Variants in CTNND2 observed in about 807,000 individuals in gnomAD.
The protein encoded by CTNND2 is catenin delta-2.
CTNND2 carries 22 observed loss-of-function variants against 144.4 expected under a neutral mutation model. The ratio of observed to expected loss-of-function variants is 0.15; its 90% CI spans 0.11 to 0.22. The LOEUF (loss-of-function observed/expected upper bound fraction) is 0.22. Among genes scored for constraint, CTNND2 ranks in the 10% least tolerant of loss-of-function variants. The pLI is 1.00. For missense variants in CTNND2, 1,353 were observed against 1,618.8 expected (o/e 0.84, Z 2.82); for synonymous variants, 751 against 695.6 (o/e 1.08, Z -1.25).
At chr5:11,481,511 G>A (rs958692308) in intron 3 of CTNND2, among the ~76,000 whole-genome samples, 1 of 152,206 alleles carries the variant, frequency 6.6e-6, no homozygotes, top group African/African-American at 2.4e-5. Context: ...GCTGAGATGG[G>A]AGGATCACTT....
intron 9 of CTNND2, among the ~76,000 whole-genome samples, chr5:11,311,850 T>A (rs1750926911): frequency 2.3e-5 from 2 of 86,418 alleles, no homozygotes; most frequent in African/African-American, 4.5e-5. Context: ...CCATACACCC[T>A]CACCCCACAC....
chr5:11,454,304 C>T (rs1338493181), intron 3 of CTNND2, among the ~76,000 whole-genome samples: 2 of 152,028 alleles, frequency 1.3e-5, no homozygotes, highest in Non-Finnish European at 2.9e-5. Context: ...CCTGTAGTCC[C>T]AGCTACTAGG....
chr5:11,307,608 G>A (rs1750380144), intron 9 of CTNND2, among the ~76,000 whole-genome samples: 1 of 152,020 alleles, frequency 6.6e-6, no homozygotes, highest in Admixed American at 6.6e-5. Context: ...CATTTTAACT[G>A]GGGCTCATGA....
intron 16 of CTNND2, among the ~76,000 whole-genome samples, chr5:11,066,401 C>T (rs1171166707): frequency 4.6e-5 from 7 of 152,194 alleles, no homozygotes; most frequent in Admixed American, 2.0e-4. Context: ...TTTAGACAAG[C>T]TCAATCAATT....
chr5:11,409,118 AT>A (rs1181580578), intron 5 of CTNND2, among the ~76,000 whole-genome samples: 1 of 152,032 alleles, frequency 6.6e-6, no homozygotes, highest in Non-Finnish European at 1.5e-5. Flanking sequence ...TTACTAAAAA[AT>A]GTTCCTGTTT....
chr5:11,875,499 C>T (rs922026287), intron 1 of CTNND2, among the ~76,000 whole-genome samples: 3 of 152,186 alleles, frequency 2.0e-5, no homozygotes, highest in East Asian at 1.9e-4. Context: ...GAAGCCCTAA[C>T]TCCCAATGTA....
intron 3 of CTNND2, among the ~76,000 whole-genome samples, chr5:11,449,755 A>G (rs915999583): frequency 1.3e-5 from 2 of 152,224 alleles, no homozygotes; most frequent in African/African-American, 4.8e-5. Flanking sequence ...AGTTACCTAT[A>G]ATCTGTCTCC....
intron 3 of CTNND2, among the ~76,000 whole-genome samples, chr5:11,466,685 G>A (rs1766707266): frequency 6.6e-6 from 1 of 152,014 alleles, no homozygotes; most frequent in African/African-American, 2.4e-5. Flanking sequence ...CAACAGGAGG[G>A]CATACCTCAT....
intron 3 of CTNND2, among the ~76,000 whole-genome samples, chr5:11,462,994 G>A (rs1489929235): frequency 6.6e-6 from 1 of 152,144 alleles, no homozygotes; most frequent in Non-Finnish European, 1.5e-5. Flanking sequence ...TCTTAGTCCT[G>A]CATTTAAAAC....
intron 14 of CTNND2, among the ~76,000 whole-genome samples, chr5:11,108,849 C>T (rs865998828): frequency 1.3e-5 from 2 of 152,134 alleles, no homozygotes; most frequent in African/African-American, 4.8e-5. Flanking sequence ...CTCAGGACAC[C>T]ATCACAGGAT....
chr5:11,294,639 C>G (rs1445253790), intron 9 of CTNND2, among the ~76,000 whole-genome samples: 2 of 152,156 alleles, frequency 1.3e-5, no homozygotes, highest in African/African-American at 4.8e-5. Flanking sequence ...CCACCATGAT[C>G]AAGTCGGCTT....
At chr5:11,614,092 C>T (rs73742882) in intron 2 of CTNND2, among the ~76,000 whole-genome samples, 2,221 of 152,092 alleles carry the variant, frequency 0.015, 57 homozygotes, top group African/African-American at 0.051. Flanking sequence ...GACATTTTTC[C>T]TATACTTCTT....
chr5:11,035,296 G>A (rs1185778895), intron 16 of CTNND2, among the ~76,000 whole-genome samples: 7 of 152,142 alleles, frequency 4.6e-5, no homozygotes, highest in Non-Finnish European at 1.0e-4. Flanking sequence ...GGAGCTCTAG[G>A]AGAGAATCAT....
chr5:11,475,404 C>G (rs900036075), intron 3 of CTNND2, among the ~76,000 whole-genome samples: 3 of 152,142 alleles, frequency 2.0e-5, no homozygotes, highest in Non-Finnish European at 2.9e-5. Context: ...TTCAACATTT[C>G]TTGTATGCCA....
chr5:11,563,843 T>C (rs1776863486), intron 3 of CTNND2, among the ~76,000 whole-genome samples: 1 of 152,186 alleles, frequency 6.6e-6, no homozygotes, highest in Non-Finnish European at 1.5e-5. Flanking sequence ...ATATAAAGTA[T>C]TTTGGAACAA....
intron 3 of CTNND2, among the ~76,000 whole-genome samples, chr5:11,422,565 C>T (rs1762457837): frequency 6.6e-6 from 1 of 152,214 alleles, no homozygotes; most frequent in Non-Finnish European, 1.5e-5. Context: ...ACACGCGACT[C>T]CTGTGTTTAT....
At chr5:11,190,426 C>T (rs952067991) in intron 11 of CTNND2, among the ~76,000 whole-genome samples, 1 of 152,170 alleles carries the variant, frequency 6.6e-6, no homozygotes, top group Non-Finnish European at 1.5e-5. Flanking sequence ...AGGGAAGCTG[C>T]CCTGATCCAA....
intron 7 of CTNND2, among the ~76,000 whole-genome samples, chr5:11,372,151 C>T (rs1757525269): frequency 1.3e-5 from 2 of 152,204 alleles, no homozygotes; most frequent in Admixed American, 1.3e-4. Flanking sequence ...ACACCTTTTA[C>T]AAAATGAATA....
At chr5:11,615,175 T>C (rs1042094721) in intron 2 of CTNND2, among the ~76,000 whole-genome samples, 2 of 152,240 alleles carry the variant, frequency 1.3e-5, no homozygotes, top group African/African-American at 4.8e-5. Flanking sequence ...CAAAAGTAAC[T>C]ACTTACTTCC....
Sources: gnomAD v4.1 joint callset for allele counts (sites outside exome capture counted in the v4.1 genomes callset) on GRCh38, gnomAD v4.1.1 for gene constraint, MANE v1.5 for transcripts, NCBI Gene and HGNC (gene_info 2026-07-23, HGNC 2026-07-21) for gene names.